UXS1: variants seen among roughly 807,000 people sequenced by gnomAD.
UXS1 encodes UDP-glucuronate decarboxylase 1, also known as UDP-glucuronic acid decarboxylase 1.
Under a neutral mutation model 62.6 loss-of-function variants are expected in UXS1, and 33 were observed. The observed-to-expected ratio is 0.53, with a 90% CI of 0.40 to 0.70. The LOEUF is 0.70. Among genes scored for constraint, UXS1 ranks in the 30% least tolerant of loss-of-function variants. UXS1 has a pLI of 0.00. For missense variants in UXS1, 434 were observed against 556.3 expected (o/e 0.78, Z 2.21); for synonymous variants, 213 against 206.8 (o/e 1.03, Z -0.26).
intron 10 of UXS1, among the ~76,000 whole-genome samples, chr2:106,111,968 A>G (rs1261101516): frequency 6.6e-6 from 1 of 152,210 alleles, no homozygotes; most frequent in Non-Finnish European, 1.5e-5. Flanking sequence ...TAGCAAAACC[A>G]AAGATGCCGG....
chr2:106,107,336 G>A (rs1321913780), intron 10 of UXS1, among the ~76,000 whole-genome samples: 2 of 152,240 alleles, frequency 1.3e-5, no homozygotes, highest in African/African-American at 4.8e-5. Flanking sequence ...GCCGAGGCCA[G>A]TCTTCAGTCT....
intron 8 of UXS1, 38 bp downstream of exon 8, chr2:106,125,582 G>A: frequency 6.5e-7 from 1 of 1,529,704 alleles, no homozygotes; most frequent in Non-Finnish European, 8.8e-7. Context: ...CAGTCCAAGG[G>A]CTGGAGTGAA....
At chr2:106,190,775 C>T (rs978983551) in intron 1 of UXS1, among the ~76,000 whole-genome samples, 2 of 151,254 alleles carry the variant, frequency 1.3e-5, no homozygotes, top group Non-Finnish European at 2.9e-5. Context: ...GAAGTGCCTG[C>T]TTCTGGGGAG....
intron 4 of UXS1, chr2:106,159,985 TC>T (rs1682760951): frequency 6.6e-6 from 1 of 151,960 alleles, no homozygotes; most frequent in African/African-American, 2.4e-5. Flanking sequence ...ACCCTGGGGC[TC>T]CCCCTTGTGA....
rs371692587 is a variant in UXS1 at position 106,122,647 on chromosome 2, A to G, written c.759+323T>C. 3.7e-4 allele frequency among the ~76,000 whole-genome samples: 57 copies of G among 152,348 alleles called. No homozygotes were observed. In the South Asian group the frequency reaches 0.012, roughly 31 times the overall value. On this transcript the variant is annotated intron_variant, in intron 9 of 14. Transcript: ENST00000283148. ...ATTGATAGAAAAGTAAAAAAAGAAG[A>G]TCCATTGATTTGGAGGCTTCAGGAA...
In UXS1 at chr2:106,116,251, T is replaced by C. The variant is rs558555258; in HGVS notation, c.760-3486A>G. Among the ~76,000 whole-genome samples the C allele has an allele frequency of 5.2e-4, 79 of 152,330 alleles. 1 individual carries two copies. The highest frequency in any genetic ancestry group is 1.9e-3 in the African/African-American group (78 of 41,580). ...ACCTCTGACAGAAGTGATTTTATCT[T>C]AGAAAATGACTCCATTTCACATTTC... On this transcript the variant is annotated intron_variant, in intron 9 of 14. Coordinates refer to ENST00000283148, the MANE Select transcript of UXS1 (RefSeq NM_001253875.2).
chr2:106,182,965 G>C (rs1490244695), intron 1 of UXS1, among the ~76,000 whole-genome samples: 4 of 152,036 alleles, frequency 2.6e-5, no homozygotes, highest in African/African-American at 9.7e-5. Flanking sequence ...TGGGGTAAGG[G>C]AGCAGGGAAT....
intron 14 of UXS1, among the ~76,000 whole-genome samples, chr2:106,094,512 T>C (rs74770020): frequency 0.012 from 1,799 of 152,366 alleles, 10 homozygotes; most frequent in Non-Finnish European, 0.019. Flanking sequence ...ATAATGCCCA[T>C]GTGCCCCATT....
chr2:106,193,862 C>T (rs1373791302), intron 1 of UXS1, among the ~76,000 whole-genome samples: 1 of 152,124 alleles, frequency 6.6e-6, no homozygotes, highest in Non-Finnish European at 1.5e-5. Flanking sequence ...GCCGAGTCCC[C>T]CGCGCCCGGG....
chr2:106,120,886 G>A (rs1202748015), intron 9 of UXS1, among the ~76,000 whole-genome samples: 1 of 152,216 alleles, frequency 6.6e-6, no homozygotes, highest in African/African-American at 2.4e-5. Context: ...TCCCGACAGG[G>A]TTCACGTCAG....
intron 1 of UXS1, among the ~76,000 whole-genome samples, chr2:106,168,539 TC>T (rs1301398920): frequency 6.6e-6 from 1 of 152,228 alleles, no homozygotes; most frequent in Non-Finnish European, 1.5e-5. Flanking sequence ...TTGTGGAAGA[TC>T]CAAGAACCCT....
intron 7 of UXS1, 111 bp downstream of exon 7, chr2:106,129,563 A>G (rs904171716): frequency 1.2e-5 from 11 of 904,386 alleles, no homozygotes; most frequent in Non-Finnish European, 2.0e-5. Context: ...GCAATAAGGG[A>G]CGAGGGAACA....
At chr2:106,127,269 T>C (rs1680035195) in intron 7 of UXS1, among the ~76,000 whole-genome samples, 1 of 152,178 alleles carries the variant, frequency 6.6e-6, no homozygotes, top group African/African-American at 2.4e-5. Flanking sequence ...AGAATACAAT[T>C]ACTGAGTCTT....
chr2:106,128,074 G>A (rs181883462), intron 7 of UXS1, among the ~76,000 whole-genome samples: 213 of 152,236 alleles, frequency 1.4e-3, no homozygotes, highest in African/African-American at 4.6e-3. Flanking sequence ...TGCATCCCCC[G>A]AGTAGGAAGA....
At chr2:106,191,594 G>A (rs1000327094) in intron 1 of UXS1, among the ~76,000 whole-genome samples, 1 of 152,212 alleles carries the variant, frequency 6.6e-6, no homozygotes, top group Non-Finnish European at 1.5e-5. Context: ...CTGCTTGCCT[G>A]CTCTGGCCCC....
At chr2:106,099,952 A>G (rs1677456518) in intron 12 of UXS1, among the ~76,000 whole-genome samples, 2 of 152,212 alleles carry the variant, frequency 1.3e-5, no homozygotes, top group Non-Finnish European at 2.9e-5. Context: ...GGAAAAATGC[A>G]TGGTCTGCAA....
At chr2:106,158,007 A>T (rs1682581451) in intron 5 of UXS1, 51 bp downstream of exon 5, 1 of 1,451,978 alleles carries the variant, frequency 6.9e-7, no homozygotes, top group East Asian at 2.5e-5. Context: ...CTCTCAACGA[A>T]AAAAGAAAGT....
At chr2:106,167,756 T>C (rs1683298333) in intron 1 of UXS1, among the ~76,000 whole-genome samples, 1 of 151,618 alleles carries the variant, frequency 6.6e-6, no homozygotes, top group South Asian at 2.1e-4. Context: ...GGAACCAGAG[T>C]AACTCCATCT....
At chr2:106,173,084 T>C (rs1573564096) in intron 1 of UXS1, among the ~76,000 whole-genome samples, 2 of 152,230 alleles carry the variant, frequency 1.3e-5, no homozygotes, top group Non-Finnish European at 2.9e-5. Flanking sequence ...TATATCTGTT[T>C]ATTGCCTGTT....
Sources: gnomAD v4.1 joint callset for allele counts (sites outside exome capture counted in the v4.1 genomes callset) on GRCh38, gnomAD v4.1.1 for gene constraint, MANE v1.5 for transcripts, NCBI Gene and HGNC (gene_info 2026-07-23, HGNC 2026-07-21) for gene names.